The following EXOC2 variants were observed in gnomAD, a reference collection of about 807,000 sequenced individuals.
The protein encoded by EXOC2 is SEC5-like 1.
A neutral mutation model predicts 131.8 loss-of-function variants in EXOC2; 70 were observed. That is an observed-to-expected ratio of 0.53 (90% CI 0.44 to 0.65). The LOEUF (loss-of-function observed/expected upper bound fraction) is 0.65, where lower values mean the gene tolerates loss of function less well. Among genes scored for constraint, EXOC2 ranks in the 30% least tolerant of loss-of-function variants. EXOC2 has a pLI of 0.00. For missense variants in EXOC2, 923 were observed against 1,108.6 expected (o/e 0.83, Z 2.38); for synonymous variants, 411 against 398.4 (o/e 1.03, Z -0.38).
chr6:499,925 T>C (rs1763947843), intron 23 of EXOC2, among the ~76,000 whole-genome samples: 1 of 152,160 alleles, frequency 6.6e-6, no homozygotes, highest in African/African-American at 2.4e-5. Flanking sequence ...TTCATTTCTG[T>C]CACTGTTTAT....
intron 7 of EXOC2, among the ~76,000 whole-genome samples, chr6:609,226 G>A (rs1760588845): frequency 6.6e-6 from 1 of 152,136 alleles, no homozygotes; most frequent in Admixed American, 6.5e-5. Flanking sequence ...AAGCCGGAAG[G>A]GCAAAACTAG....
At chr6:634,260 T>C (rs140307959) in intron 2 of EXOC2, among the ~76,000 whole-genome samples, 7 of 151,814 alleles carry the variant, frequency 4.6e-5, no homozygotes, top group Admixed American at 4.6e-4. Context: ...TGTTTTTGTA[T>C]TTTTTTTAGA....
intron 7 of EXOC2, among the ~76,000 whole-genome samples, chr6:609,778 C>T (rs1760620262): frequency 6.6e-6 from 1 of 152,150 alleles, no homozygotes; most frequent in Non-Finnish European, 1.5e-5. Context: ...CAGTGACAAT[C>T]CTGGCTACTG....
intron 3 of EXOC2, among the ~76,000 whole-genome samples, chr6:631,500 C>T (rs1374232043): frequency 6.6e-6 from 1 of 151,622 alleles, no homozygotes; most frequent in South Asian, 2.1e-4. Context: ...ATTGAGATCG[C>T]GCCATTGCAC....
intron 17 of EXOC2, among the ~76,000 whole-genome samples, chr6:560,928 G>A (rs1185300829): frequency 2.0e-5 from 3 of 151,624 alleles, no homozygotes; most frequent in South Asian, 4.2e-4. Flanking sequence ...GGCTGGTCTC[G>A]AACTCCTGAC....
chr6:564,242 A>C, intron 15 of EXOC2, 88 bp from the exon 16 acceptor site: 18 of 1,519,772 alleles, frequency 1.2e-5, no homozygotes, highest in African/African-American at 1.4e-5. Flanking sequence ...ATCATTCCTC[A>C]CGGAGCTTAC....
chr6:634,503 A>C (rs997740793), intron 2 of EXOC2, among the ~76,000 whole-genome samples: 10 of 152,208 alleles, frequency 6.6e-5, no homozygotes, highest in Admixed American at 2.6e-4. Flanking sequence ...ACCTAATGCC[A>C]AATCTGACTT....
At chr6:644,729 T>A (rs190409419) in intron 1 of EXOC2, among the ~76,000 whole-genome samples, 7 of 152,262 alleles carry the variant, frequency 4.6e-5, no homozygotes, top group East Asian at 3.9e-4. Flanking sequence ...TAAAATTTTT[T>A]AAATTTTGAA....
intron 1 of EXOC2, among the ~76,000 whole-genome samples, chr6:673,239 G>A (rs1763953009): frequency 9.4e-6 from 1 of 106,250 alleles, no homozygotes; most frequent in African/African-American, 4.0e-5. Flanking sequence ...TGACAAAAGT[G>A]AGACTCCATA....
intron 14 of EXOC2, 27 bp downstream of exon 14, chr6:564,837 G>C: frequency 2.5e-6 from 4 of 1,602,868 alleles, no homozygotes; most frequent in Non-Finnish European, 3.4e-6. Flanking sequence ...CTGTGAAAAG[G>C]TCTACATACT....
intron 1 of EXOC2, among the ~76,000 whole-genome samples, chr6:670,955 C>T (rs1339762393): frequency 6.7e-6 from 1 of 149,640 alleles, no homozygotes; most frequent in Non-Finnish European, 1.5e-5. Flanking sequence ...TGGTGCACAC[C>T]TGTAGTCCCA....
rs1479211191 is a variant in EXOC2, at chr6:676,721, T to A, written c.-44+16298A>T. Among the ~76,000 whole-genome samples the A allele has an allele frequency of 2.4e-5, 2 of 84,338 alleles. 1 individual carries two copies. The highest frequency in any genetic ancestry group is 5.5e-5 in the Non-Finnish European group (2 of 36,496). The allele number at this position is 84,338 out of a possible 152,430, so 55.3% of individuals were successfully genotyped here. ...TCTTCAACATTACGGAAAGGACAGG[T>A]TCCTCTGGAGACTGTGGTTTCCCAT... On this transcript the variant is annotated intron_variant, in intron 1 of 27. Coordinates refer to ENST00000230449, the MANE Select transcript of EXOC2 (RefSeq NM_018303.6).
At chr6:579,300 A>AT (rs1025671211) in intron 11 of EXOC2, among the ~76,000 whole-genome samples, 1 of 152,062 alleles carries the variant, frequency 6.6e-6, no homozygotes, top group African/African-American at 2.4e-5. Flanking sequence ...TAAAAGATTG[A>AT]TTTTTTTTCC....
chr6:687,956 G>A (rs1215799149), intron 1 of EXOC2, among the ~76,000 whole-genome samples: 1 of 152,186 alleles, frequency 6.6e-6, no homozygotes, highest in Non-Finnish European at 1.5e-5. Flanking sequence ...CAGAAGGAAG[G>A]CTTTAGTAAG....
intron 1 of EXOC2, among the ~76,000 whole-genome samples, chr6:675,544 TCTGAG>T: frequency 2.7e-4 from 3 of 11,086 alleles, no homozygotes; most frequent in Admixed American, 3.6e-3. Context: ...CTCTGGAGAC[TCTGAG>T]GTTCCCCATA....
chr6:625,451 T>C (rs1262779509), intron 4 of EXOC2, among the ~76,000 whole-genome samples: 1 of 152,086 alleles, frequency 6.6e-6, no homozygotes, highest in African/African-American at 2.4e-5. Flanking sequence ...ATATCTCTCG[T>C]AGCTTTCAAT....
chr6:494,136 T>A (rs1763589215), intron 25 of EXOC2, among the ~76,000 whole-genome samples: 1 of 152,370 alleles, frequency 6.6e-6, no homozygotes, highest in Admixed American at 6.5e-5. Flanking sequence ...ATCAAAGATC[T>A]GATACATCAA....
intron 1 of EXOC2, among the ~76,000 whole-genome samples, chr6:644,091 T>G (rs1762473958): frequency 1.3e-5 from 2 of 152,108 alleles, no homozygotes; most frequent in South Asian, 4.2e-4. Flanking sequence ...CCATAAAACA[T>G]TTAAGGAAGA....
At chr6:552,784 C>T (rs193011508) in intron 21 of EXOC2, among the ~76,000 whole-genome samples, 1 of 151,924 alleles carries the variant, frequency 6.6e-6, no homozygotes, top group Admixed American at 6.6e-5. Flanking sequence ...ATACCAAATC[C>T]CTTATTTAGG....
Sources: gnomAD v4.1 joint callset for allele counts (sites outside exome capture counted in the v4.1 genomes callset) on GRCh38, gnomAD v4.1.1 for gene constraint, MANE v1.5 for transcripts, NCBI Gene and HGNC (gene_info 2026-07-23, HGNC 2026-07-21) for gene names.